Variants in ZBTB20 observed in about 807,000 individuals in gnomAD.
The protein encoded by ZBTB20 is zinc finger and BTB domain containing 20.
In ZBTB20, 9 loss-of-function variants were observed where a neutral mutation model predicts 56.9. The ratio of observed to expected loss-of-function variants is 0.16; its 90% CI spans 0.10 to 0.28. The LOEUF (loss-of-function observed/expected upper bound fraction) is 0.28. Among genes scored for constraint, ZBTB20 ranks in the 10% least tolerant of loss-of-function variants. The probability of loss-of-function intolerance (pLI) is 1.00; values close to 1 mark genes in which losing one functional copy is unlikely to be tolerated. For synonymous variants in ZBTB20, 417 were observed against 420.7 expected, an observed-to-expected ratio of 0.99 and a Z score of 0.11; for missense variants, 655 against 1,003.0, an observed-to-expected ratio of 0.65 and a Z score of 4.69.
At chr3:115,053,049 T>C (rs1453787176) in intron 2 of ZBTB20, among the ~76,000 whole-genome samples, 1 of 152,214 alleles carries the variant, frequency 6.6e-6, no homozygotes, top group Admixed American at 6.5e-5. Flanking sequence ...CTCTCTCTGT[T>C]GTGGTTTAGC....
In ZBTB20 at chr3:114,961,529, C is replaced by G. The variant is rs2077451094; in HGVS notation, c.-456+12837G>C. 2.0e-5 allele frequency among the ~76,000 whole-genome samples: 3 copies of G among 152,008 alleles called. No homozygotes were observed. In the South Asian group the frequency reaches 6.2e-4, roughly 32 times the overall value. On this transcript the variant is annotated intron_variant, in intron 3 of 11. Coordinates refer to ENST00000675478, the MANE Select transcript of ZBTB20 (RefSeq NM_001348800.3). ...ACAAGAACATTAGGAGGACAAGTCT[C>G]GGTTGGAAGTCTCAGATCACTCTAA...
chr3:115,078,461 T>C (rs1365404585), intron 1 of ZBTB20, among the ~76,000 whole-genome samples: 2 of 152,094 alleles, frequency 1.3e-5, no homozygotes, highest in Admixed American at 6.6e-5. Flanking sequence ...GTTTCACTCA[T>C]AGGATCTTCA....
At chr3:114,395,215 C>A (rs1306122929) in intron 7 of ZBTB20, among the ~76,000 whole-genome samples, 3 of 151,928 alleles carry the variant, frequency 2.0e-5, no homozygotes, top group African/African-American at 7.3e-5. Context: ...TGAGGCACAG[C>A]AAATTTCATA....
intron 6 of ZBTB20, among the ~76,000 whole-genome samples, chr3:114,589,995 C>T (rs1007277565): frequency 3.3e-5 from 5 of 152,066 alleles, no homozygotes; most frequent in Non-Finnish European, 5.9e-5. Context: ...TCACTTAATG[C>T]CATAGGAAGG....
intron 2 of ZBTB20, among the ~76,000 whole-genome samples, chr3:115,046,134 T>C (rs758815533): frequency 1.3e-5 from 2 of 152,142 alleles, no homozygotes; most frequent in Non-Finnish European, 2.9e-5. Context: ...CTCTGTCAGG[T>C]AGTTCTAGAT....
At chr3:114,944,014 G>A (rs2076807405) in intron 3 of ZBTB20, among the ~76,000 whole-genome samples, 1 of 144,916 alleles carries the variant, frequency 6.9e-6, no homozygotes, top group Admixed American at 6.7e-5. Flanking sequence ...TACTTTGTAA[G>A]GATTAGTAAG....
Position 114,321,250 on chromosome 3 carries a change from G to A in ZBTB20, c.*17755C>T, listed in dbSNP as rs1200437173. On this transcript the variant is annotated 3_prime_UTR_variant, in exon 12 of 12. Transcript: ENST00000675478. ...GTTAGAGAGGACATGGTGGTGAGAT[G>A]GGAAAGAAAAGAGAAGAGAAACAGG... 6.6e-6 allele frequency: 1 copy of A among 152,224 alleles called. No homozygotes were observed. The highest frequency in any genetic ancestry group is 2.4e-5 in the African/African-American group (1 of 41,462). 9.4% of individuals were successfully genotyped at this position (152,224 alleles called of 1,614,324 possible).
At chr3:114,359,266 T>C (rs1436112035) in intron 10 of ZBTB20, 1 of 152,222 alleles carries the variant, frequency 6.6e-6, no homozygotes, top group Non-Finnish European at 1.5e-5. Context: ...GTCTTGAGTA[T>C]TATCACACTA....
At chr3:114,963,460 T>C (rs1392501240) in intron 3 of ZBTB20, among the ~76,000 whole-genome samples, 2 of 152,144 alleles carry the variant, frequency 1.3e-5, no homozygotes, top group Non-Finnish European at 2.9e-5. Flanking sequence ...AGTTGAAACA[T>C]TATTAAACAA....
At chr3:114,362,208 C>G (rs577181665) in intron 10 of ZBTB20, among the ~76,000 whole-genome samples, 1 of 152,190 alleles carries the variant, frequency 6.6e-6, no homozygotes, top group South Asian at 2.1e-4. Flanking sequence ...CATGTAGCAC[C>G]TAAGTTAGTT....
At chr3:114,343,143 G>GA (rs532287052) in intron 11 of ZBTB20, among the ~76,000 whole-genome samples, 309 of 109,094 alleles carry the variant, frequency 2.8e-3, no homozygotes, top group Middle Eastern at 4.6e-3. Flanking sequence ...ACTGAAAAGT[G>GA]AAAAAAAAAA....
intron 4 of ZBTB20, among the ~76,000 whole-genome samples, chr3:114,847,951 A>T (rs572753610): frequency 6.6e-6 from 1 of 152,312 alleles, no homozygotes; most frequent in South Asian, 2.1e-4. Context: ...GAAGTAATGC[A>T]TCTAATTGAC....
chr3:114,993,481 A>C (rs1054798400), intron 2 of ZBTB20, among the ~76,000 whole-genome samples: 1 of 151,870 alleles, frequency 6.6e-6, no homozygotes, highest in African/African-American at 2.4e-5. Context: ...TTTCCAACTA[A>C]TGTGTAATAT....
At chr3:114,385,772 C>A (rs2108583134) in intron 8 of ZBTB20, among the ~76,000 whole-genome samples, 1 of 152,228 alleles carries the variant, frequency 6.6e-6, no homozygotes, top group South Asian at 2.1e-4. Context: ...GAGGCTGAGG[C>A]AGGAGAATTG....
chr3:114,492,298 A>G (rs189484552), intron 7 of ZBTB20, among the ~76,000 whole-genome samples: 81 of 152,316 alleles, frequency 5.3e-4, no homozygotes, highest in Non-Finnish European at 1.1e-3. Flanking sequence ...GTATATAAAT[A>G]CCTGTGCAAT....
At chr3:114,380,544 CA>C (rs1312920166) in intron 9 of ZBTB20, 140 bp from the exon 10 acceptor site, 5 of 1,242,098 alleles carry the variant, frequency 4.0e-6, no homozygotes, top group Non-Finnish European at 5.4e-6. Flanking sequence ...TGTTTTAAAA[CA>C]AGCTGATTCT....
At chr3:114,964,774 A>G (rs995555566) in intron 3 of ZBTB20, among the ~76,000 whole-genome samples, 1 of 152,158 alleles carries the variant, frequency 6.6e-6, no homozygotes, top group Admixed American at 6.6e-5. Flanking sequence ...AGAATTTTCA[A>G]TGTCATCTTG....
At chr3:114,632,831 T>C (rs941400447) in intron 6 of ZBTB20, among the ~76,000 whole-genome samples, 1 of 152,206 alleles carries the variant, frequency 6.6e-6, no homozygotes. Context: ...TCACAAGCTT[T>C]CCTGAAAGCT....
At chr3:114,733,696 T>C (rs2065925884) in intron 5 of ZBTB20, among the ~76,000 whole-genome samples, 1 of 152,162 alleles carries the variant, frequency 6.6e-6, no homozygotes, top group Non-Finnish European at 1.5e-5. Flanking sequence ...AAATTGTATA[T>C]ATGTAGGGTA....
Sources: allele counts gnomAD v4.1 joint callset (sites outside exome capture counted in the v4.1 genomes callset), GRCh38; gene constraint gnomAD v4.1.1; transcripts MANE v1.5; gene names NCBI Gene and HGNC (gene_info 2026-07-23, HGNC 2026-07-21).